OSBPL8: variants seen among roughly 807,000 people sequenced by gnomAD.
The protein encoded by OSBPL8 is oxysterol-binding protein-related protein 8.
OSBPL8 carries 59 observed loss-of-function variants against 125.5 expected under a neutral mutation model. The observed-to-expected ratio is 0.47, with a 90% confidence interval of 0.38 to 0.58. The LOEUF (loss-of-function observed/expected upper bound fraction) is 0.58. Ranked by LOEUF, OSBPL8 falls within the 20% of genes least tolerant of loss-of-function variation. The probability of loss-of-function intolerance (pLI) is 0.00; values close to 1 mark genes in which losing one functional copy is unlikely to be tolerated. For missense variants in OSBPL8, 758 were observed against 1,047.8 expected (o/e 0.72, Z 3.82); for synonymous variants, 330 against 338.9 (o/e 0.97, Z 0.29).
At chr12:76,442,825 G>C (rs1263627894) in intron 4 of OSBPL8, among the ~76,000 whole-genome samples, 1 of 152,138 alleles carries the variant, frequency 6.6e-6, no homozygotes, top group East Asian at 1.9e-4. Flanking sequence ...TTAAATGAAG[G>C]TACTCCATGT....
intron 1 of OSBPL8, among the ~76,000 whole-genome samples, chr12:76,490,332 G>A (rs1443562179): frequency 6.6e-6 from 1 of 152,148 alleles, no homozygotes; most frequent in Non-Finnish European, 1.5e-5. Context: ...TTTCCGGCTC[G>A]AATGTTGCCT....
chr12:76,442,713 A>G (rs1246177246), intron 4 of OSBPL8, among the ~76,000 whole-genome samples: 2 of 152,180 alleles, frequency 1.3e-5, no homozygotes, highest in Admixed American at 6.5e-5. Context: ...ACAGTCCCAC[A>G]TATGTTCATA....
At chr12:76,426,579 T>C (rs1870175297) in intron 4 of OSBPL8, among the ~76,000 whole-genome samples, 1 of 152,154 alleles carries the variant, frequency 6.6e-6, no homozygotes, top group African/African-American at 2.4e-5. Flanking sequence ...AGGAGATACA[T>C]ATAAGAACTT....
At chr12:76,499,340 A>ATCTATCTATCTATCTATCTATCTATCTG (rs1301514310) in intron 1 of OSBPL8, among the ~76,000 whole-genome samples, 8 of 118,134 alleles carry the variant, frequency 6.8e-5, no homozygotes, top group African/African-American at 2.7e-4. Flanking sequence ...CTATCTATCT[A>ATCTATCTATCTATCTATCTATCTATCTG]TCTATCTATC....
chr12:76,472,102 T>G (rs1469672273), intron 2 of OSBPL8, among the ~76,000 whole-genome samples: 1 of 152,244 alleles, frequency 6.6e-6, no homozygotes. Flanking sequence ...TAATTCGATA[T>G]GCAAAGGCCT....
chr12:76,371,365 G>A lies in OSBPL8; in HGVS notation c.2054+83C>T, dbSNP rs2136197184. On this transcript the variant is annotated intron_variant, in intron 19 of 23. Coordinates refer to ENST00000261183, the MANE Select transcript of OSBPL8 (RefSeq NM_020841.5). ...TTTGCTGAATTAAGATATGACAGAA[G>A]GTGACAAAATGACCATATCATTAAG... is the stretch of plus-strand genomic sequence containing the variant. The A allele has an allele frequency of 2.2e-6, 3 of 1,377,428 alleles. No individual in the cohort carries two copies. The South Asian group carries it at 5.6e-5, about 26-fold the overall frequency. 85.3% of individuals were successfully genotyped at this position (1,377,428 alleles called of 1,614,324 possible). A position where few individuals can be genotyped will look rare whatever the true frequency, so the allele number is the denominator to read the frequency against.
chr12:76,353,221 CA>C lies in OSBPL8; in HGVS notation c.*2667del, dbSNP rs1323611023. ...CTGTACCTTTATAAGTGATATAAAA[CA>C]AAAAAGTACTAACATGAAATACAAA... On this transcript the variant is annotated 3_prime_UTR_variant, in exon 24 of 24. Coordinates refer to ENST00000261183, the MANE Select transcript of OSBPL8 (RefSeq NM_020841.5). 1.1e-4 allele frequency: 17 copies of C among 150,634 alleles called. No individual in the cohort carries two copies. Among genetic ancestry groups the C allele is most frequent in the African/African-American group, 4.1e-4 (17 of 40,998 alleles). 9.3% of individuals were successfully genotyped at this position (150,634 alleles called of 1,614,324 possible).
chr12:76,526,559 T>A (rs1314752532), intron 1 of OSBPL8, among the ~76,000 whole-genome samples: 1 of 151,492 alleles, frequency 6.6e-6, no homozygotes, highest in Admixed American at 6.6e-5. Flanking sequence ...AGCTGCATAT[T>A]TTCTAATATA....
In OSBPL8 at chr12:76,394,733, A is replaced by C; in HGVS notation, c.673-4T>G. On this transcript the variant is annotated splice_region_variant and splice_polypyrimidine_tract_variant and intron_variant, in intron 8 of 23. Transcript: ENST00000261183. ...CAACCGCTTCACCTTTTGGACCCTT[A>C]ATAACAAAATAAACAAAATAAATGG... 1 of 1,601,740 alleles carries C rather than the reference A, an allele frequency of 6.2e-7. No individual in the cohort carries two copies. Among genetic ancestry groups the C allele is most frequent in the African/African-American group, 1.3e-5 (1 of 74,436 alleles).
chr12:76,523,420 G>C (rs755157956), intron 1 of OSBPL8, among the ~76,000 whole-genome samples: 1 of 152,012 alleles, frequency 6.6e-6, no homozygotes, highest in East Asian at 1.9e-4. Flanking sequence ...TTAAACAACA[G>C]GTATTTTATA....
chr12:76,412,158 G>A (rs1868258631), intron 4 of OSBPL8, among the ~76,000 whole-genome samples: 1 of 152,038 alleles, frequency 6.6e-6, no homozygotes, highest in Non-Finnish European at 1.5e-5. Flanking sequence ...ATTATAGTAT[G>A]GTCACACTGT....
Position 76,397,814 on chromosome 12 carries a change from AT to A in OSBPL8, c.551del (p.Asn184MetfsTer5). ...GVLLIYKTQK[N>X]GQWVGTVLLN... is the part of the protein sequence containing the mutation. ...GAAGAACTGTTCCTACCCACTGACC[AT>A]TTTTTTGGGTTTTATAGATCAGTAG... On this transcript the variant is annotated frameshift_variant, in exon 8 of 24. Transcript: ENST00000261183. LOFTEE classifies it high-confidence loss of function. The A allele has an allele frequency of 6.2e-7, 1 of 1,614,010 alleles. No individual in the cohort carries two copies. Among genetic ancestry groups the A allele is most frequent in the Non-Finnish European group, 8.5e-7 (1 of 1,179,952 alleles).
chr12:76,397,635 C>G, intron 8 of OSBPL8, 59 bp downstream of exon 8: 1 of 1,484,518 alleles, frequency 6.7e-7, no homozygotes, highest in Non-Finnish European at 9.3e-7. Flanking sequence ...TGATGTATCT[C>G]AGTTCTATTC....
chr12:76,502,035 T>G (rs919575996), intron 1 of OSBPL8, among the ~76,000 whole-genome samples: 1 of 152,194 alleles, frequency 6.6e-6, no homozygotes, highest in African/African-American at 2.4e-5. Flanking sequence ...TCCACTGGCC[T>G]TACCATGTTC....
intron 1 of OSBPL8, among the ~76,000 whole-genome samples, chr12:76,494,391 A>C (rs1226299778): frequency 1.3e-5 from 2 of 152,170 alleles, no homozygotes. Context: ...GTTCTGAGCA[A>C]GGAACAACAT....
chr12:76,519,184 T>C (rs1257518828), intron 1 of OSBPL8, among the ~76,000 whole-genome samples: 2 of 152,332 alleles, frequency 1.3e-5, no homozygotes, highest in South Asian at 2.1e-4. Context: ...CTTGAATGCT[T>C]AGAAATGTCT....
chr12:76,381,694 T>C (rs542217559), intron 15 of OSBPL8, among the ~76,000 whole-genome samples: 147 of 152,222 alleles, frequency 9.7e-4, no homozygotes, highest in African/African-American at 3.5e-3. Flanking sequence ...AATACTTGCA[T>C]AGTTTAGCTT....
intron 4 of OSBPL8, among the ~76,000 whole-genome samples, chr12:76,440,019 T>C (rs941585324): frequency 5.3e-5 from 8 of 152,188 alleles, no homozygotes; most frequent in Admixed American, 3.9e-4. Context: ...TTATTCTTTT[T>C]CTAGTTCATT....
intron 2 of OSBPL8, among the ~76,000 whole-genome samples, chr12:76,472,359 TACC>T (rs1876245831): frequency 6.6e-6 from 1 of 152,234 alleles, no homozygotes; most frequent in Non-Finnish European, 1.5e-5. Flanking sequence ...TCTATTCTGC[TACC>T]ACTACTGTAG....
Sources: allele counts gnomAD v4.1 joint callset (sites outside exome capture counted in the v4.1 genomes callset), GRCh38; gene constraint gnomAD v4.1.1; transcripts MANE v1.5; gene names NCBI Gene and HGNC (gene_info 2026-07-23, HGNC 2026-07-21).